The following NEK10 variants were observed in gnomAD, a reference collection of about 807,000 sequenced individuals.
NEK10 encodes NIMA related kinase 10, also known as serine/threonine-protein kinase Nek10.
Under a neutral mutation model 159.8 loss-of-function variants are expected in NEK10, and 122 were observed. That is an observed-to-expected ratio of 0.76 (90% CI 0.66 to 0.89). The LOEUF is 0.89. Among genes scored for constraint, NEK10 ranks in the 40% least tolerant of loss-of-function variants. The pLI is 0.00. For synonymous variants in NEK10, 466 were observed against 457.1 expected, an observed-to-expected ratio of 1.02 and a Z score of -0.25; for missense variants, 1,342 against 1,323.1, an observed-to-expected ratio of 1.01 and a Z score of -0.22.
chr3:27,152,246 G>A (rs766569766), intron 30 of NEK10, among the ~76,000 whole-genome samples: 22 of 152,174 alleles, frequency 1.4e-4, no homozygotes, highest in Non-Finnish European at 2.8e-4. Context: ...TGAGGCAGAA[G>A]CACCAGGTAA....
chr3:27,192,298 G>C (rs1280966546), intron 25 of NEK10, 56 bp from the exon 26 acceptor site: 1 of 1,315,212 alleles, frequency 7.6e-7, no homozygotes, highest in African/African-American at 1.4e-5. Flanking sequence ...GCAGGCCACA[G>C]AGTGTAAAGG....
intron 9 of NEK10, chr3:27,309,654 A>C (rs1173216430): frequency 6.6e-6 from 1 of 152,238 alleles, no homozygotes; most frequent in African/African-American, 2.4e-5. Context: ...AAGAACCAGG[A>C]AGATTAATGA....
At chr3:27,191,558 CAT>C (rs1194347297) in intron 26 of NEK10, among the ~76,000 whole-genome samples, 1 of 152,168 alleles carries the variant, frequency 6.6e-6, no homozygotes, top group Non-Finnish European at 1.5e-5. Flanking sequence ...AAAAATAAGA[CAT>C]ATTCTGATTT....
intron 23 of NEK10, among the ~76,000 whole-genome samples, chr3:27,221,082 A>G (rs1299048751): frequency 6.6e-6 from 1 of 152,202 alleles, no homozygotes; most frequent in Non-Finnish European, 1.5e-5. Flanking sequence ...AAGAAAATAT[A>G]GGTGTAAGTC....
chr3:27,192,187 T>C lies in NEK10; in HGVS notation c.2347A>G (p.Ile783Val), dbSNP rs1949178166. The change falls in exon 26 of 36, where the codon ATA becomes GTA. Residue 783 changes from isoleucine to valine, a missense_variant. By Grantham distance (29) the Ile-to-Val change is conservative. Coordinates refer to ENST00000691995, the MANE Select transcript of NEK10 (RefSeq NM_001394966.1). ...RPDIVEVSSM[I>V]SDVMMKYLDN... Reference sequence around the variant, plus strand: ...AAATATTTCATCATGACATCTGATATCATCGAACTGACTTCTACAATATCT... The same window carrying C: ...AAATATTTCATCATGACATCTGATACCATCGAACTGACTTCTACAATATCT... 1.9e-6 allele frequency: 3 copies of C among 1,614,180 alleles called. No homozygotes were observed. The East Asian group carries it at 6.7e-5, about 36-fold the overall frequency.
chr3:27,157,337 G>T lies in NEK10; in HGVS notation c.2869+5364C>A, dbSNP rs146717204. 4.2e-3 allele frequency among the ~76,000 whole-genome samples: 643 copies of T among 152,138 alleles called. 6 individuals carry two copies. Among genetic ancestry groups the T allele is most frequent in the African/African-American group, 0.014 (571 of 41,514 alleles). On this transcript the variant is annotated intron_variant, in intron 30 of 35. Transcript: ENST00000691995. ...TTTAAAAAATTTAAAAAATTATGATGAATGGTCAAAATATCAACAGTAACA... is the reference window on the plus strand; with the variant it reads ...TTTAAAAAATTTAAAAAATTATGATTAATGGTCAAAATATCAACAGTAACA...
chr3:27,368,232 C>A (rs2049242535), intron 1 of NEK10, among the ~76,000 whole-genome samples: 1 of 152,068 alleles, frequency 6.6e-6, no homozygotes, highest in African/African-American at 2.4e-5. Flanking sequence ...GCGGAGGCTG[C>A]AGTGAGCTGA....
chr3:27,199,179 T>C (rs973081021), intron 25 of NEK10, among the ~76,000 whole-genome samples: 8 of 151,874 alleles, frequency 5.3e-5, no homozygotes, highest in Non-Finnish European at 2.9e-5. Flanking sequence ...ACAGACAATC[T>C]ACAGAACAGA....
chr3:27,364,180 T>C (rs1445301591), intron 1 of NEK10, among the ~76,000 whole-genome samples: 1 of 151,966 alleles, frequency 6.6e-6, no homozygotes, highest in African/African-American at 2.4e-5. Flanking sequence ...TTACTTTATT[T>C]ATTTATTTTT....
At chr3:27,170,256 G>C (rs796841271) in intron 29 of NEK10, among the ~76,000 whole-genome samples, 68 of 152,278 alleles carry the variant, frequency 4.5e-4, no homozygotes, top group African/African-American at 1.6e-3. Flanking sequence ...GCCCTGCCTG[G>C]CATCACCACT....
chr3:27,238,818 T>C (rs1369276288), intron 23 of NEK10, among the ~76,000 whole-genome samples: 1 of 150,972 alleles, frequency 6.6e-6, no homozygotes, highest in Admixed American at 6.6e-5. Context: ...CACAGATTTA[T>C]GGAAATGAAA....
At chr3:27,218,051 A>T (rs1324540813) in intron 23 of NEK10, among the ~76,000 whole-genome samples, 1 of 152,238 alleles carries the variant, frequency 6.6e-6, no homozygotes, top group East Asian at 1.9e-4. Context: ...GAAGAGAAGC[A>T]CTGAGATACC....
At chr3:27,346,350 G>A (rs772908015) in intron 3 of NEK10, 134 bp from the exon 4 acceptor site, 4 of 891,540 alleles carry the variant, frequency 4.5e-6, no homozygotes, top group African/African-American at 1.7e-5. Context: ...CCTTTCAAAT[G>A]TAAGGGTTTT....
chr3:27,194,420 G>C (rs1949394577), intron 25 of NEK10: 1 of 152,142 alleles, frequency 6.6e-6, no homozygotes, highest in Non-Finnish European at 1.5e-5. Context: ...CGGCCTCAGA[G>C]AAATTCTTAA....
intron 32 of NEK10, among the ~76,000 whole-genome samples, chr3:27,123,780 A>T (rs1418110663): frequency 6.6e-6 from 1 of 152,072 alleles, no homozygotes; most frequent in Non-Finnish European, 1.5e-5. Flanking sequence ...CAAGAGCTGA[A>T]AGAATGAGTA....
chr3:27,348,147 C>A (rs533259918), intron 3 of NEK10, among the ~76,000 whole-genome samples: 2 of 152,110 alleles, frequency 1.3e-5, no homozygotes, highest in Non-Finnish European at 2.9e-5. Context: ...GCAGCACAAG[C>A]AAATTTTCCC....
intron 18 of NEK10, among the ~76,000 whole-genome samples, chr3:27,290,988 A>G (rs1037150951): frequency 1.3e-5 from 2 of 152,348 alleles, no homozygotes; most frequent in African/African-American, 2.4e-5. Context: ...TAATTTAGAG[A>G]TTGCATCATG....
Position 27,304,829 on chromosome 3 carries a change from C to T in NEK10, c.946G>A (p.Val316Ile). 1 of 1,613,846 alleles carries T rather than the reference C, an allele frequency of 6.2e-7. No homozygotes were observed. Among genetic ancestry groups the T allele is most frequent in the Non-Finnish European group, 8.5e-7 (1 of 1,179,804 alleles). The part of the protein sequence containing the change: ...KLLWSIVWIL[V>I]QVCEDPETSV... ...GTCTCAGGGTCCTCACAAACCTGTACCAGAATCCAGACAATGCTCCAGAGG... is the reference window on the plus strand; with the variant it reads ...GTCTCAGGGTCCTCACAAACCTGTATCAGAATCCAGACAATGCTCCAGAGG... The change falls in exon 12 of 36, where the codon GTA (valine) becomes ATA (isoleucine). Residue 316 changes from valine (V) to isoleucine (I), a missense_variant. Physicochemically the swap from Val to Ile is conservative, Grantham distance 29. Transcript: ENST00000691995.
chr3:27,264,377 C>T (rs1410956048), intron 22 of NEK10, among the ~76,000 whole-genome samples: 1 of 152,094 alleles, frequency 6.6e-6, no homozygotes, highest in Admixed American at 6.5e-5. Context: ...TGAACACAGA[C>T]ACAAAAATTA....
Sources: allele counts gnomAD v4.1 joint callset (sites outside exome capture counted in the v4.1 genomes callset), GRCh38; gene constraint gnomAD v4.1.1; transcripts MANE v1.5; gene names NCBI Gene and HGNC (gene_info 2026-07-23, HGNC 2026-07-21).